SGCZ: variants seen among roughly 807,000 people sequenced by gnomAD.
SGCZ encodes sarcoglycan zeta.
SGCZ carries 40 observed loss-of-function variants against 41.3 expected under a neutral mutation model. That is an observed-to-expected ratio of 0.97 (90% confidence interval 0.75 to 1.26). The LOEUF (loss-of-function observed/expected upper bound fraction) is 1.26, where lower values mean the gene tolerates loss of function less well. Ranked by LOEUF, SGCZ falls within the 50% of genes most tolerant of loss-of-function variation. SGCZ has a pLI of 0.00. For synonymous variants in SGCZ, 206 were observed against 137.5 expected, an observed-to-expected ratio of 1.50 and a Z score of -3.49; for missense variants, 552 against 369.8, an observed-to-expected ratio of 1.49 and a Z score of -4.04.
chr8:14,635,106 T>G (rs2117409095), intron 1 of SGCZ, among the ~76,000 whole-genome samples: 1 of 151,916 alleles, frequency 6.6e-6, no homozygotes, highest in East Asian at 1.9e-4. Context: ...GGCTCAAGTT[T>G]TGCATATATT....
intron 2 of SGCZ, among the ~76,000 whole-genome samples, chr8:14,431,763 A>G (rs1379004451): frequency 6.6e-6 from 1 of 152,200 alleles, no homozygotes; most frequent in Non-Finnish European, 1.5e-5. Flanking sequence ...GAGCGGGAGA[A>G]AATCTTCACA....
At chr8:14,657,415 G>C (rs1295768204) in intron 1 of SGCZ, among the ~76,000 whole-genome samples, 1 of 151,904 alleles carries the variant, frequency 6.6e-6, no homozygotes, top group Non-Finnish European at 1.5e-5. Flanking sequence ...TATTAAAATG[G>C]GGATATATTT....
At chr8:15,038,957 C>A (rs1490286276) in intron 1 of SGCZ, among the ~76,000 whole-genome samples, 1 of 151,984 alleles carries the variant, frequency 6.6e-6, no homozygotes, top group Admixed American at 6.6e-5. Context: ...GCTAGGATGG[C>A]TATTACTAAA....
intron 1 of SGCZ, among the ~76,000 whole-genome samples, chr8:14,583,921 A>C (rs755975914): frequency 9.2e-5 from 14 of 152,064 alleles, no homozygotes; most frequent in Non-Finnish European, 1.9e-4. Context: ...GTATGCAATT[A>C]TGTATGATGC....
intron 1 of SGCZ, among the ~76,000 whole-genome samples, chr8:14,870,224 T>C (rs1194104960): frequency 1.3e-5 from 2 of 151,994 alleles, no homozygotes; most frequent in African/African-American, 4.8e-5. Flanking sequence ...CCAGAACAGA[T>C]AGATAGACCA....
intron 1 of SGCZ, among the ~76,000 whole-genome samples, chr8:14,750,551 T>C (rs921780723): frequency 6.6e-6 from 1 of 152,142 alleles, no homozygotes; most frequent in African/African-American, 2.4e-5. Flanking sequence ...TTAATTTTCT[T>C]ACCATTGTAG....
intron 1 of SGCZ, among the ~76,000 whole-genome samples, chr8:14,665,368 T>C (rs6988773): frequency 2.0e-5 from 3 of 152,050 alleles, no homozygotes; most frequent in African/African-American, 4.8e-5. Context: ...CTGCATAGTA[T>C]TCCATGGTGT....
At chr8:15,057,478 C>T (rs745651072) in intron 1 of SGCZ, among the ~76,000 whole-genome samples, 1 of 152,124 alleles carries the variant, frequency 6.6e-6, no homozygotes, top group African/African-American at 2.4e-5. Context: ...AGAGTTGAAG[C>T]AATCCACATG....
chr8:14,913,035 A>T (rs1361268062), intron 1 of SGCZ, among the ~76,000 whole-genome samples: 1 of 152,070 alleles, frequency 6.6e-6, no homozygotes, highest in Non-Finnish European at 1.5e-5. Context: ...ACTTTTCATA[A>T]TGCATGCTGT....
intron 1 of SGCZ, among the ~76,000 whole-genome samples, chr8:15,104,029 C>G (rs1806719710): frequency 6.6e-6 from 1 of 152,146 alleles, no homozygotes; most frequent in African/African-American, 2.4e-5. Context: ...TTTCATGATT[C>G]TCCCAAATCT....
chr8:14,680,721 G>A (rs902795000), intron 1 of SGCZ, among the ~76,000 whole-genome samples: 1 of 150,726 alleles, frequency 6.6e-6, no homozygotes, highest in African/African-American at 2.5e-5. Flanking sequence ...ACATTAAAAT[G>A]CTCTTATAAA....
intron 2 of SGCZ, among the ~76,000 whole-genome samples, chr8:14,522,738 A>C (rs1802827724): frequency 6.6e-6 from 1 of 151,650 alleles, no homozygotes; most frequent in African/African-American, 2.4e-5. Context: ...ACCATGTTAA[A>C]ATTGATTAAA....
intron 2 of SGCZ, among the ~76,000 whole-genome samples, chr8:14,460,434 G>A (rs1800868972): frequency 6.6e-6 from 1 of 152,046 alleles, no homozygotes; most frequent in South Asian, 2.1e-4. Context: ...ATATTAACTG[G>A]AGAGCAGTTT....
At chr8:14,947,018 G>A (rs1275262286) in intron 1 of SGCZ, among the ~76,000 whole-genome samples, 1 of 152,042 alleles carries the variant, frequency 6.6e-6, no homozygotes. Context: ...AGGAACTTTT[G>A]AGAAGGAAAA....
At chr8:14,936,292 T>C (rs953587008) in intron 1 of SGCZ, among the ~76,000 whole-genome samples, 5 of 151,964 alleles carry the variant, frequency 3.3e-5, no homozygotes, top group African/African-American at 1.2e-4. Flanking sequence ...ATACCCTAAG[T>C]CTTAAAATGC....
At chr8:14,429,532 A>G (rs1189491582) in intron 2 of SGCZ, among the ~76,000 whole-genome samples, 1 of 152,222 alleles carries the variant, frequency 6.6e-6, no homozygotes, top group Non-Finnish European at 1.5e-5. Flanking sequence ...TCAGTTAGTC[A>G]GTTGAAGAGT....
chr8:15,090,829 G>T (rs1030808654), intron 1 of SGCZ, among the ~76,000 whole-genome samples: 1 of 152,132 alleles, frequency 6.6e-6, no homozygotes, highest in Non-Finnish European at 1.5e-5. Flanking sequence ...GTGAAAGGTT[G>T]CCCAGTTAAT....
chr8:14,645,051 G>C (rs935251666), intron 1 of SGCZ, among the ~76,000 whole-genome samples: 9 of 151,452 alleles, frequency 5.9e-5, no homozygotes, highest in East Asian at 1.9e-4. Context: ...TCAAATATTT[G>C]AGAAAAGGCT....
chr8:14,247,139 T>C (rs1799126100), intron 3 of SGCZ, among the ~76,000 whole-genome samples: 1 of 152,176 alleles, frequency 6.6e-6, no homozygotes, highest in African/African-American at 2.4e-5. Flanking sequence ...ATCAACTTTA[T>C]GCATTTCTAC....
Sources: gnomAD v4.1 joint callset for allele counts (sites outside exome capture counted in the v4.1 genomes callset) on GRCh38, gnomAD v4.1.1 for gene constraint, MANE v1.5 for transcripts, NCBI Gene and HGNC (gene_info 2026-07-23, HGNC 2026-07-21) for gene names.